The following KCNT2 variants were observed in gnomAD, a reference collection of about 807,000 sequenced individuals.
KCNT2 encodes the protein potassium sodium-activated channel subfamily T member 2, also known as potassium channel subfamily T member 2.
Under a neutral mutation model 153.8 loss-of-function variants are expected in KCNT2, and 67 were observed. The ratio of observed to expected loss-of-function variants is 0.44; its 90% confidence interval spans 0.36 to 0.53. KCNT2 has a LOEUF of 0.53. Among genes scored for constraint, KCNT2 ranks in the 20% least tolerant of loss-of-function variants. The pLI is 0.00. For missense variants in KCNT2, 975 were observed against 1,354.8 expected, an observed-to-expected ratio of 0.72 and a Z score of 4.40; for synonymous variants, 500 against 458.8, an observed-to-expected ratio of 1.09 and a Z score of -1.15.
In KCNT2 at chr1:196,315,893, T is replaced by C. The variant is rs1214258264; in HGVS notation, c.2482A>G (p.Arg828Gly). The change falls in exon 21 of 28, where the codon AGG (arginine) becomes GGG (glycine). Residue 828 changes from arginine (R) to glycine (G), a missense_variant and splice_region_variant. By Grantham distance (125) the Arg-to-Gly change is moderately radical. Transcript: ENST00000294725. ...KTIVNVQTLF[R>G]LFSSLSIITE... is the part of the protein sequence containing the mutation. ...AGGTTGGATGATTCAGCCACTTACC[T>C]GAAGAGTGTCTGCACGTTCACAATG... 1 of 1,604,126 alleles carries C rather than the reference T, an allele frequency of 6.2e-7. No homozygotes were observed. The highest frequency in any genetic ancestry group is 8.5e-7 in the Non-Finnish European group (1 of 1,174,874).
At chr1:196,484,216 T>C (rs1328604336) in intron 3 of KCNT2, among the ~76,000 whole-genome samples, 1 of 152,146 alleles carries the variant, frequency 6.6e-6, no homozygotes, top group Non-Finnish European at 1.5e-5. Flanking sequence ...ATCGCCATTC[T>C]GACTGGCATG....
rs766764814 is a variant in KCNT2, at chr1:196,285,705, A to G, written c.2649T>C (p.Ala883=). Residue 883 remains alanine (A), a synonymous_variant, in exon 23 of 28, where the codon GCT becomes GCC. Coordinates refer to ENST00000294725, the MANE Select transcript of KCNT2 (RefSeq NM_198503.5). ...TACTGATGCTAAACACCCTCCCAGC[A>G]GCAAAAGGCAGTCGAAACATAAAGG... is the stretch of plus-strand genomic sequence containing the variant. ...NLAFMFRLPF[A]AGRVFSISML... 1.2e-6 allele frequency: 2 copies of G among 1,613,670 alleles called. No individual in the cohort carries two copies. The highest frequency in any genetic ancestry group is 2.2e-5 in the South Asian group (2 of 91,078).
chr1:196,440,565 C>G (rs548731007), intron 8 of KCNT2, among the ~76,000 whole-genome samples: 6 of 152,000 alleles, frequency 3.9e-5, no homozygotes, highest in Admixed American at 3.9e-4. Context: ...TGTGCTTTGT[C>G]TTAGTAATTA....
Position 196,423,161 on chromosome 1 carries a change from AG to A in KCNT2, c.1122-49del. ...AATAATCACACACTGAAATATCTAC[AG>A]GTTTTCTGAAAAATAGAATTTCAGT... On this transcript the variant is annotated intron_variant, in intron 11 of 27. Transcript: ENST00000294725. 3.2e-6 allele frequency: 4 copies of A among 1,249,260 alleles called. 1 individual carries two copies. The South Asian group carries it at 5.3e-5, about 17-fold the overall frequency. 77.4% of individuals were successfully genotyped at this position (1,249,260 alleles called of 1,614,324 possible).
At chr1:196,352,258 TG>T (rs1666777245) in intron 14 of KCNT2, among the ~76,000 whole-genome samples, 2 of 152,106 alleles carry the variant, frequency 1.3e-5, no homozygotes, top group Admixed American at 1.3e-4. Context: ...TTCTATTGAT[TG>T]GAATAGTTTC....
intron 27 of KCNT2, among the ~76,000 whole-genome samples, chr1:196,229,082 A>G (rs1401662165): frequency 6.6e-6 from 1 of 152,128 alleles, no homozygotes; most frequent in Non-Finnish European, 1.5e-5. Context: ...GAGTTGTCTT[A>G]CTTTAGACTG....
chr1:196,402,720 T>C (rs1329280980), intron 12 of KCNT2, among the ~76,000 whole-genome samples: 2 of 151,478 alleles, frequency 1.3e-5, no homozygotes, highest in African/African-American at 2.4e-5. Flanking sequence ...AACACAAAGA[T>C]GTAGATAGCA....
At chr1:196,252,996 T>C (rs1189170096) in intron 26 of KCNT2, among the ~76,000 whole-genome samples, 2 of 151,254 alleles carry the variant, frequency 1.3e-5, no homozygotes, top group African/African-American at 4.8e-5. Flanking sequence ...CAGTTTTGTA[T>C]ATTGTTTCTT....
At chr1:196,424,813 A>G (rs1234611663) in intron 11 of KCNT2, among the ~76,000 whole-genome samples, 3 of 151,814 alleles carry the variant, frequency 2.0e-5, no homozygotes, top group African/African-American at 7.3e-5. Flanking sequence ...GGAGTCCAGA[A>G]GTCTGTTCCA....
intron 13 of KCNT2, among the ~76,000 whole-genome samples, chr1:196,380,340 G>T (rs1669370906): frequency 6.6e-6 from 1 of 152,152 alleles, no homozygotes; most frequent in Non-Finnish European, 1.5e-5. Context: ...CAATTGAGAT[G>T]CAAATGCATT....
chr1:196,231,527 C>T (rs564918984), intron 27 of KCNT2, among the ~76,000 whole-genome samples: 1 of 151,832 alleles, frequency 6.6e-6, no homozygotes, highest in South Asian at 2.1e-4. Flanking sequence ...AAAAGAAATT[C>T]CAAACATCAT....
chr1:196,509,492 A>G (rs1021470631), intron 1 of KCNT2, among the ~76,000 whole-genome samples: 10 of 152,294 alleles, frequency 6.6e-5, no homozygotes, highest in African/African-American at 2.4e-4. Flanking sequence ...TATGTCAGTG[A>G]TCAGTTTTAT....
chr1:196,285,504 G>T (rs1204956699), intron 23 of KCNT2, among the ~76,000 whole-genome samples, 153 bp downstream of exon 23: 1 of 152,036 alleles, frequency 6.6e-6, no homozygotes, highest in East Asian at 1.9e-4. Flanking sequence ...GAGCATTTAT[G>T]TCATTAAGTA....
intron 26 of KCNT2, among the ~76,000 whole-genome samples, chr1:196,246,511 C>T (rs1309079034): frequency 6.6e-6 from 1 of 151,956 alleles, no homozygotes; most frequent in African/African-American, 2.4e-5. Context: ...CTTGTATTTT[C>T]AGTAGAAAGA....
chr1:196,508,589 G>C (rs1268726171), intron 1 of KCNT2, among the ~76,000 whole-genome samples: 1 of 152,090 alleles, frequency 6.6e-6, no homozygotes, highest in Non-Finnish European at 1.5e-5. Context: ...AATACAAAAA[G>C]AAGTATTAAC....
intron 1 of KCNT2, among the ~76,000 whole-genome samples, chr1:196,494,531 C>T (rs756674408): frequency 7.9e-5 from 12 of 152,048 alleles, no homozygotes; most frequent in Non-Finnish European, 1.2e-4. Flanking sequence ...CTCCAGTAGC[C>T]GGGACTACAG....
intron 12 of KCNT2, among the ~76,000 whole-genome samples, chr1:196,417,827 G>A (rs533799884): frequency 5.3e-5 from 8 of 152,074 alleles, no homozygotes; most frequent in Admixed American, 1.3e-4. Flanking sequence ...GATCTTAGTC[G>A]ACATCATCAC....
intron 5 of KCNT2, among the ~76,000 whole-genome samples, chr1:196,470,616 C>T (rs1033252202): frequency 6.6e-6 from 1 of 152,128 alleles, no homozygotes; most frequent in Non-Finnish European, 1.5e-5. Flanking sequence ...AGGGCCAGAG[C>T]TTGTGTCTGC....
rs187921867 is a variant in KCNT2 at position 196,396,973 on chromosome 1, G to A, written c.1294+1590C>T. 7.8e-4 allele frequency among the ~76,000 whole-genome samples: 118 copies of A among 151,266 alleles called. 3 individuals are homozygous for A. In the East Asian group the frequency reaches 0.021, roughly 26 times the overall value. ...CACTCAAAATCACAAATTGTCTTTCGAAAATACATATTGTTTTAAGGTCTT... is the reference window on the plus strand; with the variant it reads ...CACTCAAAATCACAAATTGTCTTTCAAAAATACATATTGTTTTAAGGTCTT... On this transcript the variant is annotated intron_variant, in intron 13 of 27. Coordinates refer to ENST00000294725, the MANE Select transcript of KCNT2 (RefSeq NM_198503.5).
Sources: gnomAD v4.1 joint callset for allele counts (sites outside exome capture counted in the v4.1 genomes callset) on GRCh38, gnomAD v4.1.1 for gene constraint, MANE v1.5 for transcripts, NCBI Gene and HGNC (gene_info 2026-07-23, HGNC 2026-07-21) for gene names.